Variants in PRKCE observed in about 807,000 individuals in gnomAD.
PRKCE encodes protein kinase C epsilon.
Under a neutral mutation model 85.4 loss-of-function variants are expected in PRKCE, and 16 were observed. The ratio of observed to expected loss-of-function variants is 0.19; its 90% CI spans 0.13 to 0.28. The LOEUF is 0.28. Ranked by LOEUF, PRKCE falls within the 10% of genes least tolerant of loss-of-function variation. The pLI is 1.00. For synonymous variants in PRKCE, 388 were observed against 371.5 expected, an observed-to-expected ratio of 1.04 and a Z score of -0.51; for missense variants, 573 against 975.2, an observed-to-expected ratio of 0.59 and a Z score of 5.49.
chr2:46,126,472 T>C (rs1465375172), intron 11 of PRKCE, among the ~76,000 whole-genome samples: 2 of 152,060 alleles, frequency 1.3e-5, no homozygotes, highest in Non-Finnish European at 2.9e-5. Context: ...TGAATTCTTC[T>C]TACAGAAAGT....
At chr2:46,042,329 T>C (rs1708263088) in intron 10 of PRKCE, among the ~76,000 whole-genome samples, 1 of 152,246 alleles carries the variant, frequency 6.6e-6, no homozygotes. Flanking sequence ...CTTTTTATTC[T>C]TGTTGAACAG....
intron 1 of PRKCE, among the ~76,000 whole-genome samples, chr2:45,781,823 C>T (rs1468697837): frequency 6.6e-6 from 1 of 152,108 alleles, no homozygotes; most frequent in Non-Finnish European, 1.5e-5. Context: ...GGGGTTACTT[C>T]TGTTAGTTAT....
rs1275178273 is a variant in PRKCE at position 45,976,522 on chromosome 2, G to A, written c.506G>A (p.Gly169Asp). ...AVRRRVHQVN[G>D]HKFMATYLRQ... ...AGGCGCAGGGTCCATCAGGTCAACGGCCACAAGTTCATGGCCACCTATCTT... is the reference window on the plus strand; with the variant it reads ...AGGCGCAGGGTCCATCAGGTCAACGACCACAAGTTCATGGCCACCTATCTT... Residue 169 changes from glycine to aspartate, a missense_variant, in exon 3 of 15, where the codon GGC becomes GAC. Gly to Asp is a moderately conservative substitution (Grantham distance 94). Transcript: ENST00000306156. 6.3e-7 allele frequency: 1 copy of A among 1,599,788 alleles called. No individual in the cohort carries two copies. Among genetic ancestry groups the A allele is most frequent in the South Asian group, 1.1e-5 (1 of 91,086 alleles).
At chr2:45,807,924 G>A (rs886722728) in intron 1 of PRKCE, among the ~76,000 whole-genome samples, 2 of 151,834 alleles carry the variant, frequency 1.3e-5, no homozygotes, top group Non-Finnish European at 2.9e-5. Flanking sequence ...AGCCAGACTG[G>A]TCTCCCTTTT....
At chr2:45,927,238 A>T (rs1698703094) in intron 2 of PRKCE, among the ~76,000 whole-genome samples, 2 of 152,112 alleles carry the variant, frequency 1.3e-5, no homozygotes, top group African/African-American at 4.8e-5. Flanking sequence ...AGGGAGGTGA[A>T]ATTGTAAAGA....
chr2:45,948,893 G>A (rs979563502), intron 2 of PRKCE, among the ~76,000 whole-genome samples: 1 of 152,100 alleles, frequency 6.6e-6, no homozygotes, highest in Non-Finnish European at 1.5e-5. Flanking sequence ...CTTTTTAAAT[G>A]GAACATAATT....
intron 2 of PRKCE, among the ~76,000 whole-genome samples, chr2:45,953,703 T>C (rs1481685886): frequency 6.6e-6 from 1 of 152,196 alleles, no homozygotes; most frequent in Non-Finnish European, 1.5e-5. Flanking sequence ...TAGAATCCCC[T>C]TGTGAGCTTT....
At chr2:46,025,279 C>G (rs1311523640) in intron 10 of PRKCE, among the ~76,000 whole-genome samples, 1 of 152,178 alleles carries the variant, frequency 6.6e-6, no homozygotes, top group East Asian at 1.9e-4. Flanking sequence ...GGAGCAGTAC[C>G]AGGGAACGTA....
In PRKCE at chr2:45,670,619, A is replaced by T. The variant is rs1003997893; in HGVS notation, c.348+18171A>T. ...CAGTTTCTCATTCAATCTAATTTTA[A>T]TGAGTACCAGTAACATGGAGAAAAG... On this transcript the variant is annotated intron_variant, in intron 1 of 14. Coordinates refer to ENST00000306156, the MANE Select transcript of PRKCE (RefSeq NM_005400.3). 2.4e-4 allele frequency among the ~76,000 whole-genome samples: 36 copies of T among 152,220 alleles called. 1 individual carries two copies. Among genetic ancestry groups the T allele is most frequent in the African/African-American group, 8.4e-4 (35 of 41,456 alleles).
intron 11 of PRKCE, among the ~76,000 whole-genome samples, chr2:46,098,949 GGGGGTACCATAGTGA>G (rs1335417073): frequency 6.6e-6 from 1 of 152,106 alleles, no homozygotes; most frequent in Non-Finnish European, 1.5e-5. Context: ...GAGAGTGGTA[GGGGGTACCATAGTGA>G]GCTGAGGTAG....
chr2:46,010,376 A>G lies in PRKCE; in HGVS notation c.1296A>G (p.Glu432=). 1 of 1,598,792 alleles carries G rather than the reference A, an allele frequency of 6.3e-7. No individual in the cohort carries two copies. Among genetic ancestry groups the G allele is most frequent in the South Asian group, 1.1e-5 (1 of 90,960 alleles). The part of the protein sequence containing the change: ...VMLAELKGKD[E]VYAVKVLKKD... ...TGGCAGAACTCAAGGGCAAAGATGAAGTATATGCTGTGAAGGTCTTAAAGA... is the reference window on the plus strand; with the variant it reads ...TGGCAGAACTCAAGGGCAAAGATGAGGTATATGCTGTGAAGGTCTTAAAGA... Residue 432 remains glutamate (E), a synonymous_variant, in exon 10 of 15, where the codon GAA becomes GAG. Coordinates refer to ENST00000306156, the MANE Select transcript of PRKCE (RefSeq NM_005400.3).
chr2:45,957,582 T>C (rs981989808), intron 2 of PRKCE, among the ~76,000 whole-genome samples: 3 of 152,184 alleles, frequency 2.0e-5, no homozygotes, highest in Non-Finnish European at 2.9e-5. Flanking sequence ...CTTAGGCAAT[T>C]CAGATAGGAT....
chr2:46,050,414 T>C (rs895971730), intron 10 of PRKCE, among the ~76,000 whole-genome samples: 1 of 152,244 alleles, frequency 6.6e-6, no homozygotes, highest in African/African-American at 2.4e-5. Flanking sequence ...GGTGTCTAAT[T>C]TCTGTAATCA....
At chr2:46,106,408 A>G (rs1349707389) in intron 11 of PRKCE, among the ~76,000 whole-genome samples, 1 of 152,184 alleles carries the variant, frequency 6.6e-6, no homozygotes, top group African/African-American at 2.4e-5. Flanking sequence ...GTTAACCCAC[A>G]CTGCTGTGGG....
At chr2:45,665,917 G>A (rs751837447) in intron 1 of PRKCE, among the ~76,000 whole-genome samples, 23 of 152,104 alleles carry the variant, frequency 1.5e-4, no homozygotes, top group Non-Finnish European at 2.2e-4. Context: ...GGAGGGAAAC[G>A]TAGCCTCTTG....
chr2:45,952,480 G>C (rs116509300), intron 2 of PRKCE, among the ~76,000 whole-genome samples: 1 of 152,172 alleles, frequency 6.6e-6, no homozygotes, highest in Non-Finnish European at 1.5e-5. Flanking sequence ...TGGACTACAC[G>C]CAGAATTTAT....
At chr2:45,902,938 A>G (rs577980980) in intron 2 of PRKCE, among the ~76,000 whole-genome samples, 11 of 152,320 alleles carry the variant, frequency 7.2e-5, no homozygotes, top group African/African-American at 1.9e-4. Context: ...GCTGATGTAC[A>G]GTGACTTTCC....
intron 8 of PRKCE, among the ~76,000 whole-genome samples, chr2:46,007,052 C>A (rs1050399853): frequency 6.6e-6 from 1 of 152,308 alleles, no homozygotes; most frequent in East Asian, 1.9e-4. Context: ...GATGACAGTT[C>A]TTGATTCGTT....
At chr2:45,916,870 T>G (rs1003888133) in intron 2 of PRKCE, among the ~76,000 whole-genome samples, 1 of 152,190 alleles carries the variant, frequency 6.6e-6, no homozygotes, top group African/African-American at 2.4e-5. Flanking sequence ...TTCTGATGTT[T>G]GGATGTGTTC....
Sources: gnomAD v4.1 joint callset for allele counts (sites outside exome capture counted in the v4.1 genomes callset) on GRCh38, gnomAD v4.1.1 for gene constraint, MANE v1.5 for transcripts, NCBI Gene and HGNC (gene_info 2026-07-23, HGNC 2026-07-21) for gene names.